Variants in KAZN observed in about 807,000 individuals in gnomAD.
KAZN encodes the protein kazrin, periplakin interacting protein.
In KAZN, 40 loss-of-function variants were observed where a neutral mutation model predicts 87.4. The ratio of observed to expected loss-of-function variants is 0.46; its 90% CI spans 0.36 to 0.60. The LOEUF is 0.60. KAZN is among the 20% of genes least tolerant of loss of function. KAZN has a pLI of 0.00. For missense variants in KAZN, 898 were observed against 1,073.9 expected, an observed-to-expected ratio of 0.84 and a Z score of 2.29; for synonymous variants, 466 against 458.3, an observed-to-expected ratio of 1.02 and a Z score of -0.22.
chr1:14,763,176 T>C (rs772269582), intron 1 of KAZN, among the ~76,000 whole-genome samples: 4 of 152,200 alleles, frequency 2.6e-5, no homozygotes, highest in Non-Finnish European at 5.9e-5. Context: ...GAGCTGCCAT[T>C]AGGAATGGGA....
rs758448514 is a variant in KAZN, at chr1:15,066,023, G to A, written c.1222+270G>A. ...GTAATTGATGTACATACCGCAAACC[G>A]TGTGTGAACCTGTCAACTCTCTGTC... On this transcript the variant is annotated intron_variant, in intron 8 of 14. Transcript: ENST00000376030. This position sits in a 1 kb window ranked among gnomAD's most constrained non-coding sequence, Gnocchi z 4.3. The A allele has an allele frequency of 2.7e-4, 341 of 1,261,490 alleles. 1 individual carries two copies. Among genetic ancestry groups the A allele is most frequent in the Middle Eastern group, 9.0e-4 (3 of 3,336 alleles). 78.1% of individuals were successfully genotyped at this position (1,261,490 alleles called of 1,614,324 possible).
chr1:15,046,597 C>A (rs1034913856), intron 4 of KAZN, among the ~76,000 whole-genome samples: 1 of 152,170 alleles, frequency 6.6e-6, no homozygotes, highest in Non-Finnish European at 1.5e-5. Context: ...TGGCACCGGG[C>A]CTGGATTCCT....
chr1:14,642,181 C>T (rs1457901523), intron 1 of KAZN, among the ~76,000 whole-genome samples: 2 of 152,182 alleles, frequency 1.3e-5, no homozygotes, highest in African/African-American at 4.8e-5. Context: ...GGGCAGATGA[C>T]AAGCTCGGGA....
intron 2 of KAZN, among the ~76,000 whole-genome samples, chr1:14,496,728 G>C (rs113397610): frequency 1.3e-4 from 20 of 151,934 alleles, no homozygotes; most frequent in African/African-American, 4.8e-4. Context: ...TCACACTGAA[G>C]CATCTTTTCT....
chr1:14,469,213 C>T (rs545801949), intron 2 of KAZN, among the ~76,000 whole-genome samples: 6 of 151,380 alleles, frequency 4.0e-5, no homozygotes, highest in East Asian at 4.0e-4. Flanking sequence ...ATGTGTGTCA[C>T]GCAGGTAAAA....
At chr1:13,895,430 A>G (rs964631283) in intron 1 of KAZN, among the ~76,000 whole-genome samples, 3 of 152,116 alleles carry the variant, frequency 2.0e-5, no homozygotes, top group Non-Finnish European at 4.4e-5. Context: ...CCAGGCCTAA[A>G]TCAGGCCATG....
chr1:14,164,038 A>T (rs1363719667), intron 1 of KAZN, among the ~76,000 whole-genome samples: 1 of 152,186 alleles, frequency 6.6e-6, no homozygotes, highest in East Asian at 1.9e-4. Flanking sequence ...CTCGGTTGAA[A>T]AGCCACCCAA....
intron 1 of KAZN, among the ~76,000 whole-genome samples, chr1:14,174,263 G>A (rs2100277043): frequency 6.6e-6 from 1 of 152,212 alleles, no homozygotes. Context: ...CGCACGGTGG[G>A]AGACTGTCCA....
intron 2 of KAZN, among the ~76,000 whole-genome samples, chr1:14,186,165 T>C (rs1309688878): frequency 6.6e-6 from 1 of 152,196 alleles, no homozygotes; most frequent in Non-Finnish European, 1.5e-5. Flanking sequence ...TTGTACATCA[T>C]AGAGCTTTTA....
At chr1:14,421,616 C>T (rs550879280) in intron 2 of KAZN, among the ~76,000 whole-genome samples, 261 of 152,168 alleles carry the variant, frequency 1.7e-3, no homozygotes, top group African/African-American at 6.2e-3. Context: ...AAACATAAGC[C>T]GACTTATGTT....
chr1:14,671,241 T>G (rs937126634), intron 1 of KAZN, among the ~76,000 whole-genome samples: 4 of 152,210 alleles, frequency 2.6e-5, no homozygotes, highest in Non-Finnish European at 5.9e-5. Flanking sequence ...TTACATGTCT[T>G]ACTTACAGCA....
At chr1:14,671,489 T>C (rs1214049168) in intron 1 of KAZN, among the ~76,000 whole-genome samples, 1 of 152,174 alleles carries the variant, frequency 6.6e-6, no homozygotes, top group Non-Finnish European at 1.5e-5. Flanking sequence ...TCACAAAACA[T>C]ATTAAAGACC....
At chr1:14,334,481 TAGCCAGTTC>T (rs1355369905) in intron 2 of KAZN, among the ~76,000 whole-genome samples, 3 of 149,772 alleles carry the variant, frequency 2.0e-5, no homozygotes, top group Non-Finnish European at 4.4e-5. Flanking sequence ...GGAAAGTCAG[TAGCCAGTTC>T]ATAAAGGAGG....
chr1:14,880,994 T>A (rs1448474636), intron 1 of KAZN, among the ~76,000 whole-genome samples: 1 of 152,114 alleles, frequency 6.6e-6, no homozygotes, highest in Non-Finnish European at 1.5e-5. Flanking sequence ...GGGAAAACAA[T>A]GAGGTAAGAA....
At chr1:14,142,840 CT>C (rs1645270146) in intron 1 of KAZN, among the ~76,000 whole-genome samples, 1 of 152,216 alleles carries the variant, frequency 6.6e-6, no homozygotes, top group South Asian at 2.1e-4. Context: ...GGAGTTGCCT[CT>C]ACAATTAAGA....
intron 2 of KAZN, among the ~76,000 whole-genome samples, chr1:14,304,086 G>A (rs1187488528): frequency 1.3e-5 from 2 of 152,192 alleles, no homozygotes; most frequent in Admixed American, 1.3e-4. Context: ...GGAAATCACA[G>A]CTTCCTCCTA....
chr1:13,908,692 G>A (rs1639536178), intron 1 of KAZN, among the ~76,000 whole-genome samples: 1 of 152,164 alleles, frequency 6.6e-6, no homozygotes. Context: ...CCATTATCTT[G>A]TCCCTTGGTA....
At chr1:14,583,185 G>A (rs1351075426) in intron 2 of KAZN, among the ~76,000 whole-genome samples, 2 of 152,244 alleles carry the variant, frequency 1.3e-5, no homozygotes, top group Non-Finnish European at 2.9e-5. Context: ...CAGAGACCTG[G>A]TGGAGGTCAA....
chr1:14,102,882 C>T (rs185647024), intron 1 of KAZN, among the ~76,000 whole-genome samples: 1 of 152,018 alleles, frequency 6.6e-6, no homozygotes, highest in East Asian at 1.9e-4. Flanking sequence ...CCATGGGCTT[C>T]CCTCTGTACA....
Sources: gnomAD v4.1 joint callset for allele counts (sites outside exome capture counted in the v4.1 genomes callset) on GRCh38, gnomAD v4.1.1 for gene constraint, Gnocchi (gnomAD v3.1) non-coding constraint, MANE v1.5 for transcripts, NCBI Gene and HGNC (gene_info 2026-07-23, HGNC 2026-07-21) for gene names.